Variants in SLIT2 observed in about 807,000 individuals in gnomAD.
The protein encoded by SLIT2 is slit homolog 2 protein.
A neutral mutation model predicts 185.7 loss-of-function variants in SLIT2; 41 were observed. The ratio of observed to expected loss-of-function variants is 0.22; its 90% CI spans 0.17 to 0.29. The LOEUF (loss-of-function observed/expected upper bound fraction) is 0.29, where lower values mean the gene tolerates loss of function less well. Ranked by LOEUF, SLIT2 falls within the 10% of genes least tolerant of loss-of-function variation. The probability of loss-of-function intolerance (pLI) is 1.00; values close to 1 mark genes in which losing one functional copy is unlikely to be tolerated. For missense variants in SLIT2, 1,571 were observed against 1,909.0 expected, an observed-to-expected ratio of 0.82 and a Z score of 3.30; for synonymous variants, 693 against 680.2, an observed-to-expected ratio of 1.02 and a Z score of -0.29.
rs190332665 is a variant in SLIT2, at chr4:20,324,191, C to T, written c.395+55310C>T. Among the ~76,000 whole-genome samples, 118 of 152,224 alleles carry T rather than the reference C, an allele frequency of 7.8e-4. 1 individual carries two copies. Among genetic ancestry groups the T allele is most frequent in the Non-Finnish European group, 2.9e-4 (20 of 68,006 alleles). On this transcript the variant is annotated intron_variant, in intron 4 of 36. Coordinates refer to ENST00000504154, the MANE Select transcript of SLIT2 (RefSeq NM_004787.4). ...AATCATGTGACACTTGAGATCCTTG[C>T]GATAGAGTCTTTGGAGCCTGGGCAT...
chr4:20,380,966 A>G (rs1029783574), intron 4 of SLIT2, among the ~76,000 whole-genome samples: 7 of 152,130 alleles, frequency 4.6e-5, no homozygotes, highest in African/African-American at 1.7e-4. Context: ...TCAAAATAAA[A>G]TTGCTGGCTG....
intron 5 of SLIT2, among the ~76,000 whole-genome samples, chr4:20,472,450 A>ATCTC (rs1715416979): frequency 1.4e-5 from 1 of 70,074 alleles, no homozygotes; most frequent in African/African-American, 6.0e-5. Flanking sequence ...ATATATCTAT[A>ATCTC]TAGATATATC....
At chr4:20,350,299 T>G (rs370201946) in intron 4 of SLIT2, among the ~76,000 whole-genome samples, 77 of 152,256 alleles carry the variant, frequency 5.1e-4, no homozygotes, top group African/African-American at 1.8e-3. Context: ...CTTTTTTTTT[T>G]TAATGCTGAG....
intron 4 of SLIT2, among the ~76,000 whole-genome samples, chr4:20,336,893 TG>T (rs1437112590): frequency 6.6e-6 from 1 of 152,182 alleles, no homozygotes; most frequent in Non-Finnish European, 1.5e-5. Flanking sequence ...TGACACCATG[TG>T]GGAATTCCAC....
chr4:20,332,630 C>T (rs919473743), intron 4 of SLIT2, among the ~76,000 whole-genome samples: 1 of 151,782 alleles, frequency 6.6e-6, no homozygotes, highest in Non-Finnish European at 1.5e-5. Flanking sequence ...GCCAATGTTG[C>T]GCCACTGCAT....
intron 4 of SLIT2, among the ~76,000 whole-genome samples, chr4:20,321,636 G>A (rs1335569544): frequency 6.6e-6 from 1 of 152,178 alleles, no homozygotes; most frequent in Non-Finnish European, 1.5e-5. Flanking sequence ...CACTGCATTG[G>A]AACCATGCGG....
chr4:20,259,191 A>G (rs1199493746), intron 3 of SLIT2, among the ~76,000 whole-genome samples: 1 of 151,738 alleles, frequency 6.6e-6, no homozygotes, highest in African/African-American at 2.4e-5. Flanking sequence ...GGTTGCATTC[A>G]TAACAAAGCT....
At chr4:20,440,556 G>A (rs973786856) in intron 4 of SLIT2, among the ~76,000 whole-genome samples, 4 of 151,858 alleles carry the variant, frequency 2.6e-5, no homozygotes, top group South Asian at 2.1e-4. Context: ...TGAGATACAC[G>A]GCAATAGAAA....
At chr4:20,607,547 G>A (rs1159231158) in intron 33 of SLIT2, among the ~76,000 whole-genome samples, 2 of 152,072 alleles carry the variant, frequency 1.3e-5, no homozygotes, top group Non-Finnish European at 2.9e-5. Context: ...AACAGAGGAG[G>A]GAATAAAGGA....
At chr4:20,391,484 A>G (rs1161662902) in intron 4 of SLIT2, among the ~76,000 whole-genome samples, 4 of 152,110 alleles carry the variant, frequency 2.6e-5, no homozygotes, top group Non-Finnish European at 5.9e-5. Flanking sequence ...AGCTGACTAT[A>G]TTGTTCAACA....
chr4:20,390,772 A>T (rs11938156), intron 4 of SLIT2, among the ~76,000 whole-genome samples: 11,969 of 108,890 alleles, frequency 0.11, 683 homozygotes, highest in East Asian at 0.27. Context: ...TTTTTTTTTT[A>T]AAAAAAAATA....
At chr4:20,357,458 T>C (rs993958163) in intron 4 of SLIT2, among the ~76,000 whole-genome samples, 1 of 152,142 alleles carries the variant, frequency 6.6e-6, no homozygotes, top group African/African-American at 2.4e-5. Context: ...AGATATGCTA[T>C]TTTTCCACAG....
chr4:20,330,560 G>A (rs894354816), intron 4 of SLIT2, among the ~76,000 whole-genome samples: 3 of 152,046 alleles, frequency 2.0e-5, no homozygotes, highest in African/African-American at 7.2e-5. Flanking sequence ...TGAATTAATA[G>A]TTTTAAAGCA....
chr4:20,484,219 A>G lies in SLIT2; in HGVS notation c.540-1981A>G, dbSNP rs1490659609. Among the ~76,000 whole-genome samples the G allele has an allele frequency of 1.3e-5, 2 of 152,142 alleles. No individual in the cohort carries two copies. Among genetic ancestry groups the G allele is most frequent in the East Asian group, 1.9e-4 (1 of 5,190 alleles). On this transcript the variant is annotated intron_variant, in intron 6 of 36. Transcript: ENST00000504154. The surrounding 1 kb of genome is among the most constrained non-coding windows in gnomAD (Gnocchi z 4.3). ...GTCATATTTCAGAATGCTATATACT[A>G]TAAAGATTTTAGCCATATTAAGTCA... is the stretch of plus-strand genomic sequence containing the variant.
intron 4 of SLIT2, among the ~76,000 whole-genome samples, chr4:20,455,894 A>G (rs991511846): frequency 5.3e-5 from 8 of 152,096 alleles, no homozygotes; most frequent in Non-Finnish European, 8.8e-5. Context: ...TTATTTATGA[A>G]GTCTTTATTT....
chr4:20,417,632 C>G (rs1390169679), intron 4 of SLIT2, among the ~76,000 whole-genome samples: 1 of 151,706 alleles, frequency 6.6e-6, no homozygotes, highest in South Asian at 2.1e-4. Flanking sequence ...AGCTATTCCC[C>G]TGCTTCAGCC....
In SLIT2 at chr4:20,285,575, G is replaced by A. The variant is rs1028870606; in HGVS notation, c.395+16694G>A. Among the ~76,000 whole-genome samples the A allele has an allele frequency of 5.5e-5, 8 of 145,992 alleles. No individual in the cohort carries two copies. In the South Asian group the frequency reaches 9.1e-4, roughly 17 times the overall value. On this transcript the variant is annotated intron_variant, in intron 4 of 36. Transcript: ENST00000504154. ...CTTTTATTTTTATTTTTTCTGAGACGATGTCTTGCTCTGTTATGCAGGGAG... is the reference window on the plus strand; with the variant it reads ...CTTTTATTTTTATTTTTTCTGAGACAATGTCTTGCTCTGTTATGCAGGGAG...
chr4:20,537,895 A>G lies in SLIT2; in HGVS notation c.1833-1546A>G, dbSNP rs1722440507. On this transcript the variant is annotated intron_variant, in intron 18 of 36. Coordinates refer to ENST00000504154, the MANE Select transcript of SLIT2 (RefSeq NM_004787.4). ...TTGACATTGCAGGTGAAATTTGTGC[A>G]TATGTGTGCTTATGGATTTTTCTAG... Among the ~76,000 whole-genome samples, 5 of 152,266 alleles carry G rather than the reference A, an allele frequency of 3.3e-5. No homozygotes were observed. In the South Asian group the frequency reaches 8.3e-4, roughly 25 times the overall value.
At chr4:20,443,984 A>C (rs1729963286) in intron 4 of SLIT2, among the ~76,000 whole-genome samples, 1 of 152,208 alleles carries the variant, frequency 6.6e-6, no homozygotes, top group East Asian at 1.9e-4. Context: ...AAAGGAGAAA[A>C]GAAATACGAG....
Sources: gnomAD v4.1 joint callset for allele counts (sites outside exome capture counted in the v4.1 genomes callset) on GRCh38, gnomAD v4.1.1 for gene constraint, Gnocchi (gnomAD v3.1) non-coding constraint, MANE v1.5 for transcripts, NCBI Gene and HGNC (gene_info 2026-07-23, HGNC 2026-07-21) for gene names.